Variants in HIVEP2 observed in about 807,000 individuals in gnomAD.
The protein encoded by HIVEP2 is transcription factor HIVEP2.
A neutral mutation model predicts 180.7 loss-of-function variants in HIVEP2; 14 were observed. The observed-to-expected ratio is 0.08, with a 90% CI of 0.05 to 0.12. The LOEUF (loss-of-function observed/expected upper bound fraction) is 0.12, where lower values mean the gene tolerates loss of function less well. HIVEP2 is among the 10% of genes least tolerant of loss of function. The probability of loss-of-function intolerance (pLI) is 1.00; values close to 1 mark genes in which losing one functional copy is unlikely to be tolerated. For missense variants in HIVEP2, 2,579 were observed against 3,008.5 expected (o/e 0.86, Z 3.34); for synonymous variants, 1,184 against 1,136.4 (o/e 1.04, Z -0.84).
At chr6:142,792,360 TA>T (rs1776158645) in intron 2 of HIVEP2, among the ~76,000 whole-genome samples, 1 of 152,098 alleles carries the variant, frequency 6.6e-6, no homozygotes, top group Admixed American at 6.6e-5. Flanking sequence ...ATAAACTCTT[TA>T]AAAAGTGGGA....
At position 142,774,914 on chromosome 6, in the gene HIVEP2, T is replaced by C; in HGVS notation, c.-176A>G. ...ACACGCACACCACAGTCGATGGGCA[T>C]TAGCTAGTAATGTCCTTGGACCAGG... On this transcript the variant is annotated 5_prime_UTR_variant, in exon 5 of 10. The change abolishes an upstream ATG in the 5' untranslated region. Transcript: ENST00000367603. This position sits in a 1 kb window ranked among gnomAD's most constrained non-coding sequence, Gnocchi z 5.1. The C allele has an allele frequency of 2.0e-6, 3 of 1,465,612 alleles. No individual in the cohort carries two copies. Among genetic ancestry groups the C allele is most frequent in the Non-Finnish European group, 2.7e-6 (3 of 1,116,314 alleles). 90.8% of individuals were successfully genotyped at this position (1,465,612 alleles called of 1,614,324 possible). A position where few individuals can be genotyped will look rare whatever the true frequency, so the allele number is the denominator to read the frequency against.
At chr6:142,816,575 C>A (rs755164586) in intron 2 of HIVEP2, among the ~76,000 whole-genome samples, 3 of 152,156 alleles carry the variant, frequency 2.0e-5, no homozygotes, top group Non-Finnish European at 4.4e-5. Context: ...CAGATACCAT[C>A]CCCTGCGTCT....
chr6:142,820,196 C>T (rs902528066), intron 2 of HIVEP2, among the ~76,000 whole-genome samples: 1 of 152,168 alleles, frequency 6.6e-6, no homozygotes, highest in African/African-American at 2.4e-5. Flanking sequence ...ATCTAACCTT[C>T]ATTAATTTTT....
chr6:142,829,231 G>A lies in HIVEP2; in HGVS notation c.-528+7704C>T, dbSNP rs1309533704. ...ACGTTCTATACTCTCTAGGTCTCTC[G>A]GTTCCTCCCTTCCTCTTCTTTCATG... is the stretch of plus-strand genomic sequence containing the variant. On this transcript the variant is annotated intron_variant, in intron 2 of 9. Coordinates refer to ENST00000367603, the MANE Select transcript of HIVEP2 (RefSeq NM_006734.4). Among the ~76,000 whole-genome samples the A allele has an allele frequency of 3.9e-5, 6 of 152,006 alleles. No individual in the cohort carries two copies. The East Asian group carries it at 9.7e-4, about 24-fold the overall frequency.
At chr6:142,888,731 T>A (rs1028779664) in intron 1 of HIVEP2, among the ~76,000 whole-genome samples, 1 of 152,196 alleles carries the variant, frequency 6.6e-6, no homozygotes, top group African/African-American at 2.4e-5. Flanking sequence ...TCAGCTCCCA[T>A]GTCTAATCAC....
intron 1 of HIVEP2, among the ~76,000 whole-genome samples, chr6:142,883,038 C>T (rs1231787654): frequency 6.6e-6 from 1 of 152,050 alleles, no homozygotes; most frequent in African/African-American, 2.4e-5. Context: ...GGGAAATCTG[C>T]TTACAGTACA....
At chr6:142,911,721 A>G (rs1396463150) in intron 1 of HIVEP2, among the ~76,000 whole-genome samples, 3 of 152,158 alleles carry the variant, frequency 2.0e-5, no homozygotes, top group African/African-American at 7.2e-5. Flanking sequence ...ATTCAAAAAC[A>G]TATTTCTCCC....
intron 1 of HIVEP2, among the ~76,000 whole-genome samples, chr6:142,905,944 G>A (rs902472070): frequency 6.6e-6 from 1 of 152,082 alleles, no homozygotes; most frequent in South Asian, 2.1e-4. Flanking sequence ...GACCAACCTG[G>A]CCAACGTGGC....
intron 2 of HIVEP2, among the ~76,000 whole-genome samples, chr6:142,794,608 A>T (rs1776237836): frequency 6.6e-6 from 1 of 152,208 alleles, no homozygotes; most frequent in Admixed American, 6.5e-5. Flanking sequence ...TGGTCAAATT[A>T]TATTATCTTT....
rs766694012 is a variant in HIVEP2, at chr6:142,772,784, T to C, written c.1955A>G (p.Glu652Gly). 3 of 1,614,196 alleles carry C rather than the reference T, an allele frequency of 1.9e-6. No homozygotes were observed. The highest frequency in any genetic ancestry group is 2.5e-6 in the Non-Finnish European group (3 of 1,180,044). ...RKPYKKWEDSETPKQNYRDIS... is the reference protein window; with the variant it reads ...RKPYKKWEDSGTPKQNYRDIS... ...GTCCCTGTAGTTTTGCTTTGGTGTTTCAGAGTCCTCCCACTTCTTATAGGG... is the reference window on the plus strand; with the variant it reads ...GTCCCTGTAGTTTTGCTTTGGTGTTCCAGAGTCCTCCCACTTCTTATAGGG... Residue 652 changes from glutamate to glycine, a missense_variant, in exon 5 of 10, where the codon GAA becomes GGA. Around this residue, in one of 11 missense-constraint regions of HIVEP2, gnomAD observed 524 missense variants for 563.6 expected, o/e 0.93. Coordinates refer to ENST00000367603, the MANE Select transcript of HIVEP2 (RefSeq NM_006734.4). This position sits in a 1 kb window ranked among gnomAD's most constrained non-coding sequence, Gnocchi z 4.9.
At chr6:142,852,406 T>C (rs1775707102) in intron 1 of HIVEP2, among the ~76,000 whole-genome samples, 3 of 152,168 alleles carry the variant, frequency 2.0e-5, no homozygotes, top group African/African-American at 4.8e-5. Flanking sequence ...CTTGTCTTCA[T>C]GGAGCTCAGG....
At chr6:142,759,070 G>C (rs1775152213) in intron 9 of HIVEP2, among the ~76,000 whole-genome samples, 1 of 152,122 alleles carries the variant, frequency 6.6e-6, no homozygotes, top group South Asian at 2.1e-4. Flanking sequence ...GGGAGGCCGA[G>C]GCAGGCAGAT....
At position 142,774,401 on chromosome 6, in the gene HIVEP2, G is replaced by C. The variant is rs762734138; in HGVS notation, c.338C>G (p.Thr113Ser). The C allele has an allele frequency of 2.5e-6, 4 of 1,614,216 alleles. No homozygotes were observed. The highest frequency in any genetic ancestry group is 3.4e-6 in the Non-Finnish European group (4 of 1,180,038). ...HSLPQGVMHS[T>S]KPHQSLEGPP... Reference sequence around the variant, plus strand: ...ACCTTCGAGGCTCTGATGTGGCTTGGTGCTGTGCATGACCCCCTGTGGCAA... The same window carrying C: ...ACCTTCGAGGCTCTGATGTGGCTTGCTGCTGTGCATGACCCCCTGTGGCAA... Residue 113 changes from threonine (T) to serine (S), a missense_variant, in exon 5 of 10, where the codon ACC becomes AGC. Physicochemically the swap from Thr to Ser is moderately conservative, Grantham distance 58. Transcript: ENST00000367603. This position sits in a 1 kb window ranked among gnomAD's most constrained non-coding sequence, Gnocchi z 5.1.
At chr6:142,783,704 C>T (rs755026951) in intron 2 of HIVEP2, 89 bp from the exon 3 acceptor site, 21 of 151,722 alleles carry the variant, frequency 1.4e-4, no homozygotes, top group Admixed American at 1.4e-3. Flanking sequence ...ACAGAACCTG[C>T]CTTCCTTTAG....
intron 7 of HIVEP2, among the ~76,000 whole-genome samples, chr6:142,764,520 A>C (rs923698803): frequency 6.6e-6 from 1 of 152,230 alleles, no homozygotes; most frequent in East Asian, 1.9e-4. Context: ...AACATTTCCA[A>C]CATGAAGTAA....
At chr6:142,879,041 C>A (rs1776517593) in intron 1 of HIVEP2, among the ~76,000 whole-genome samples, 1 of 152,152 alleles carries the variant, frequency 6.6e-6, no homozygotes, top group African/African-American at 2.4e-5. Flanking sequence ...TATATCCTCA[C>A]TATCATACGG....
chr6:142,800,109 CAA>C (rs533413623), intron 2 of HIVEP2, among the ~76,000 whole-genome samples: 1 of 151,996 alleles, frequency 6.6e-6, no homozygotes, highest in South Asian at 2.1e-4. Flanking sequence ...CAGGTGGCAG[CAA>C]AAAACACTGA....
At chr6:142,893,988 A>G (rs1261289270) in intron 1 of HIVEP2, among the ~76,000 whole-genome samples, 2 of 152,234 alleles carry the variant, frequency 1.3e-5, no homozygotes, top group Non-Finnish European at 2.9e-5. Context: ...TATAGTTCAT[A>G]AAGCATCTTC....
At chr6:142,887,941 T>C (rs144572809) in intron 1 of HIVEP2, among the ~76,000 whole-genome samples, 2 of 144,050 alleles carry the variant, frequency 1.4e-5, no homozygotes, top group African/African-American at 5.2e-5. Flanking sequence ...GGGGAGGATA[T>C]AGCAAAGGGC....
Sources: allele counts gnomAD v4.1 joint callset (sites outside exome capture counted in the v4.1 genomes callset), GRCh38; gene constraint gnomAD v4.1.1; regional missense constraint gnomAD v4.1.1; non-coding constraint Gnocchi (gnomAD v3.1); transcripts MANE v1.5; gene names NCBI Gene and HGNC (gene_info 2026-07-23, HGNC 2026-07-21).